The following KIAA1217 variants were observed in gnomAD, a reference collection of about 807,000 sequenced individuals.
The protein encoded by KIAA1217 is sickle tail protein homolog.
KIAA1217 carries 88 observed loss-of-function variants against 163.9 expected under a neutral mutation model. The ratio of observed to expected loss-of-function variants is 0.54; its 90% CI spans 0.45 to 0.64. KIAA1217 has a LOEUF of 0.64. Among genes scored for constraint, KIAA1217 ranks in the 30% least tolerant of loss-of-function variants. KIAA1217 has a pLI of 0.00. For missense variants in KIAA1217, 2,372 were observed against 2,475.0 expected, an observed-to-expected ratio of 0.96 and a Z score of 0.88; for synonymous variants, 903 against 923.1, an observed-to-expected ratio of 0.98 and a Z score of 0.39.
chr10:23,789,811 G>A lies in KIAA1217; in HGVS notation c.-321+94577G>A, dbSNP rs147866074. On this transcript the variant is annotated intron_variant, in intron 1 of 18. Transcript: ENST00000376462. ...ACACTTACTAAGCTGTCAGTGCATG[G>A]TCATAGGTGATATTTGTAGTAAATG... 1.3e-4 allele frequency among the ~76,000 whole-genome samples: 20 copies of A among 151,426 alleles called. No homozygotes were observed. In the East Asian group the frequency reaches 3.7e-3, roughly 28 times the overall value.
upstream of KIAA1217, among the ~76,000 whole-genome samples, chr10:24,204,182 G>C (rs2067421064): frequency 6.6e-6 from 1 of 152,192 alleles, no homozygotes; most frequent in African/African-American, 2.4e-5. Context: ...TTTGAGTGTT[G>C]GTGGGTGGCG....
At position 24,543,681 on chromosome 10, in the gene KIAA1217, T is replaced by A. The variant is rs1354979211; in HGVS notation, c.4411T>A (p.Leu1471Ile). ...STIFEECDEELERMMMEEKIE... is the reference protein window; with the variant it reads ...STIFEECDEEIERMMMEEKIE... ...TATCTTTGAGGAATGTGATGAGGAA[T>A]TAGAGAGAATGATGATGGAGGAAAA... The change falls in exon 19 of 21, where the codon TTA becomes ATA. Residue 1471 changes from leucine to isoleucine, a missense_variant. Physicochemically the swap from Leu to Ile is conservative, Grantham distance 5. Around this residue, in one of 3 missense-constraint regions of KIAA1217, gnomAD observed 690 missense variants for 677.5 expected, o/e 1.02. Coordinates refer to ENST00000376454, the MANE Select transcript of KIAA1217 (RefSeq NM_019590.5). The A allele has an allele frequency of 6.2e-7, 1 of 1,613,380 alleles. No homozygotes were observed. Among genetic ancestry groups the A allele is most frequent in the Admixed American group, 1.7e-5 (1 of 59,938 alleles).
At chr10:24,418,547 A>G (rs992088701) in intron 3 of KIAA1217, among the ~76,000 whole-genome samples, 2 of 152,232 alleles carry the variant, frequency 1.3e-5, no homozygotes, top group Admixed American at 6.5e-5. Flanking sequence ...TTCTAAAGAT[A>G]TATTCACTCC....
intron 2 of KIAA1217, among the ~76,000 whole-genome samples, chr10:24,135,798 T>C (rs1291367949): frequency 6.6e-6 from 1 of 152,304 alleles, no homozygotes; most frequent in South Asian, 2.1e-4. Flanking sequence ...TTTCTCCGTG[T>C]ATCAAATAGG....
In KIAA1217 at chr10:23,934,619, A is replaced by ATG. The variant is rs1219984756; in HGVS notation, c.-320-72605_-320-72604insGT. Among the ~76,000 whole-genome samples, 6 of 64,666 alleles carry ATG rather than the reference A, an allele frequency of 9.3e-5. No homozygotes were observed. The East Asian group carries it at 1.7e-3, about 18-fold the overall frequency. 42.4% of individuals were successfully genotyped at this position (64,666 alleles called of 152,430 possible). On this transcript the variant is annotated intron_variant, in intron 1 of 18. Coordinates refer to the KIAA1217 transcript ENST00000376462. ...TATATATATATATGTATATATATAT[A>ATG]TATATATTTTTTTTTTGAGACGGAG...
At chr10:24,288,943 A>T (rs1014400005) in intron 2 of KIAA1217, among the ~76,000 whole-genome samples, 1 of 152,178 alleles carries the variant, frequency 6.6e-6, no homozygotes, top group East Asian at 1.9e-4. Flanking sequence ...TTTGAGTTCC[A>T]TCTTATGAAA....
chr10:24,446,697 T>C (rs2132173878), intron 5 of KIAA1217, among the ~76,000 whole-genome samples: 1 of 152,356 alleles, frequency 6.6e-6, no homozygotes, highest in South Asian at 2.1e-4. Context: ...CCTGACGTGC[T>C]TACTCTGTGC....
intron 1 of KIAA1217, among the ~76,000 whole-genome samples, chr10:23,880,703 C>T (rs1222782773): frequency 1.3e-5 from 2 of 151,568 alleles, no homozygotes; most frequent in Non-Finnish European, 2.9e-5. Context: ...ATGAAAATAT[C>T]TCTTTTAATC....
intron 1 of KIAA1217, among the ~76,000 whole-genome samples, chr10:24,006,515 A>C (rs961677078): frequency 2.0e-5 from 3 of 152,182 alleles, no homozygotes; most frequent in Non-Finnish European, 2.9e-5. Flanking sequence ...GAAATCTACC[A>C]AGTGCAGGGG....
At chr10:24,334,438 T>TAGAAGGAAGGAAGGAAGGAA (rs1313698943) in intron 2 of KIAA1217, among the ~76,000 whole-genome samples, 2 of 82,202 alleles carry the variant, frequency 2.4e-5, no homozygotes, top group African/African-American at 7.0e-5. Flanking sequence ...GAGGGAAGGA[T>TAGAAGGAAGGAAGGAAGGAA]GGAAGGAAGG....
At chr10:24,339,414 A>G (rs73604469) in intron 2 of KIAA1217, among the ~76,000 whole-genome samples, 6 of 152,156 alleles carry the variant, frequency 3.9e-5, no homozygotes, top group African/African-American at 1.2e-4. Flanking sequence ...AGGAAATCCC[A>G]TGTCACCTCT....
rs1837466145 is a variant in KIAA1217, at chr10:23,714,738, T to A, written c.-321+19504T>A. ...CCATATTTGCGAAGGGAACCCCAAA[T>A]ACAAAAGGAGCTGAGAAACCAAAGG... On this transcript the variant is annotated intron_variant, in intron 1 of 18. Coordinates refer to the KIAA1217 transcript ENST00000376462. Among the ~76,000 whole-genome samples, 3 of 152,118 alleles carry A rather than the reference T, an allele frequency of 2.0e-5. No homozygotes were observed. The South Asian group carries it at 6.2e-4, about 32-fold the overall frequency.
At chr10:24,295,457 T>C (rs566344677) in intron 2 of KIAA1217, among the ~76,000 whole-genome samples, 8 of 152,220 alleles carry the variant, frequency 5.3e-5, no homozygotes, top group Non-Finnish European at 8.8e-5. Context: ...TCTTCTGGAC[T>C]ATTTCAGGAG....
chr10:24,012,230 G>T (rs969724660), intron 2 of KIAA1217, among the ~76,000 whole-genome samples: 1 of 152,068 alleles, frequency 6.6e-6, no homozygotes, highest in African/African-American at 2.4e-5. Context: ...ACTCCAAAAT[G>T]GTGGTTTTAA....
chr10:24,268,104 C>A (rs922072646), intron 2 of KIAA1217, among the ~76,000 whole-genome samples: 8 of 152,278 alleles, frequency 5.3e-5, no homozygotes, highest in Non-Finnish European at 8.8e-5. Flanking sequence ...TTAAAAAACA[C>A]ACACAAAGCT....
At chr10:24,041,789 G>A (rs1279224288) in intron 2 of KIAA1217, among the ~76,000 whole-genome samples, 3 of 152,182 alleles carry the variant, frequency 2.0e-5, no homozygotes, top group African/African-American at 7.2e-5. Context: ...TTGAACTAAT[G>A]CCTGGAAACT....
intron 11 of KIAA1217, 74 bp from the exon 12 acceptor site, chr10:24,521,708 G>C: frequency 6.5e-7 from 1 of 1,533,364 alleles, no homozygotes; most frequent in South Asian, 1.2e-5. Flanking sequence ...TCTCTGTCCA[G>C]TATCGGAGTG....
intron 1 of KIAA1217, among the ~76,000 whole-genome samples, chr10:23,779,025 A>G (rs1835132578): frequency 6.6e-6 from 1 of 152,214 alleles, no homozygotes; most frequent in Admixed American, 6.5e-5. Flanking sequence ...CAATGCTGCC[A>G]TTAATATTCA....
chr10:23,824,658 A>AAAAAAAAATAT (rs1837805755), intron 1 of KIAA1217, among the ~76,000 whole-genome samples: 1 of 53,040 alleles, frequency 1.9e-5, no homozygotes, highest in Non-Finnish European at 3.6e-5. Context: ...AAATAAAAAA[A>AAAAAAAAATAT]ATATATATAT....
Sources: allele counts gnomAD v4.1 joint callset (sites outside exome capture counted in the v4.1 genomes callset), GRCh38; gene constraint gnomAD v4.1.1; regional missense constraint gnomAD v4.1.1; transcripts MANE v1.5; gene names NCBI Gene and HGNC (gene_info 2026-07-23, HGNC 2026-07-21).